CELF2: variants seen among roughly 807,000 people sequenced by gnomAD.
CELF2 encodes CUG triplet repeat RNA-binding protein 2.
A neutral mutation model predicts 62.6 loss-of-function variants in CELF2; 8 were observed. That is an observed-to-expected ratio of 0.13 (90% CI 0.07 to 0.23). The LOEUF (loss-of-function observed/expected upper bound fraction) is 0.23. Among genes scored for constraint, CELF2 ranks in the 10% least tolerant of loss-of-function variants. The probability of loss-of-function intolerance (pLI) is 1.00; values close to 1 mark genes in which losing one functional copy is unlikely to be tolerated. For synonymous variants in CELF2, 258 were observed against 250.0 expected (o/e 1.03, Z -0.30); for missense variants, 333 against 671.0 (o/e 0.50, Z 5.56).
chr10:10,948,248 C>A (rs1219733621), intron 2 of CELF2: 1 of 152,266 alleles, frequency 6.6e-6, no homozygotes, highest in Non-Finnish European at 1.5e-5. Flanking sequence ...GACCTTGCTT[C>A]CCACCTGAGC....
the CELF2 span, among the ~76,000 whole-genome samples, chr10:10,702,565 T>C: frequency 6.6e-6 from 1 of 152,210 alleles, no homozygotes; most frequent in African/African-American, 2.4e-5. Flanking sequence ...AGACCCATTT[T>C]GGGTAACAAA....
At chr10:10,730,606 G>T in the CELF2 span, among the ~76,000 whole-genome samples, 1 of 152,364 alleles carries the variant, frequency 6.6e-6, no homozygotes, top group Non-Finnish European at 1.5e-5. Context: ...TAGATGCAGA[G>T]ATGAAAGAAG....
At chr10:11,158,630 T>G (rs1564991314) in intron 1 of CELF2, among the ~76,000 whole-genome samples, 1 of 152,142 alleles carries the variant, frequency 6.6e-6, no homozygotes, top group Admixed American at 6.5e-5. Context: ...TACTTCTTTG[T>G]GGGGGTTCTC....
the CELF2 span, among the ~76,000 whole-genome samples, chr10:10,486,036 T>A: frequency 6.6e-6 from 1 of 152,168 alleles, no homozygotes; most frequent in Non-Finnish European, 1.5e-5. Flanking sequence ...GGAGTAGAAT[T>A]AGAATCATGG....
At chr10:10,705,471 G>A in the CELF2 span, among the ~76,000 whole-genome samples, 1 of 152,000 alleles carries the variant, frequency 6.6e-6, no homozygotes, top group Admixed American at 6.5e-5. Context: ...GGGATGAAAG[G>A]CTGTGATTGA....
intron 2 of CELF2, among the ~76,000 whole-genome samples, chr10:10,958,335 T>C (rs1290476801): frequency 1.3e-5 from 2 of 152,122 alleles, no homozygotes; most frequent in African/African-American, 2.4e-5. Flanking sequence ...TGAACCACAT[T>C]TTAAAAGGGG....
the CELF2 span, among the ~76,000 whole-genome samples, chr10:10,512,814 C>T: frequency 3.9e-5 from 6 of 152,202 alleles, no homozygotes; most frequent in Admixed American, 3.9e-4. Context: ...AGTTCCTCTA[C>T]TGAATTTCGT....
intron 2 of CELF2, among the ~76,000 whole-genome samples, chr10:11,172,029 A>G (rs1289543879): frequency 3.9e-5 from 6 of 152,222 alleles, no homozygotes; most frequent in Non-Finnish European, 8.8e-5. Context: ...TCTTGAAATC[A>G]GGAATTGAGA....
Position 11,165,247 on chromosome 10 carries a change from C to T in CELF2, c.75-239C>T. 2 of 1,355,832 alleles carry T rather than the reference C, an allele frequency of 1.5e-6. No homozygotes were observed. Among genetic ancestry groups the T allele is most frequent in the Admixed American group, 3.4e-5 (1 of 29,824 alleles). The allele number at this position is 1,355,832 out of a possible 1,614,324, so 84.0% of individuals were successfully genotyped here. A position where few individuals can be genotyped will look rare whatever the true frequency, so the allele number is the denominator to read the frequency against. ...GGGTGACAGGCGGCAGGGCGCTGCCCCGTGCTCCCCCGGCTCTGCTCGACA... is the reference window on the plus strand; with the variant it reads ...GGGTGACAGGCGGCAGGGCGCTGCCTCGTGCTCCCCCGGCTCTGCTCGACA... On this transcript the variant is annotated intron_variant, in intron 1 of 12. Transcript: ENST00000633077. The surrounding 1 kb of genome is among the most constrained non-coding windows in gnomAD (Gnocchi z 7.4).
At chr10:11,189,439 A>G (rs1034929655) in intron 2 of CELF2, among the ~76,000 whole-genome samples, 5 of 152,248 alleles carry the variant, frequency 3.3e-5, no homozygotes, top group African/African-American at 7.2e-5. Context: ...GATAATTAAC[A>G]TATAATGTAA....
the CELF2 span, among the ~76,000 whole-genome samples, chr10:10,490,069 A>C: frequency 2.8e-5 from 4 of 144,724 alleles, no homozygotes; most frequent in African/African-American, 9.8e-5. Flanking sequence ...TCTTCCAGTA[A>C]AATTCTCTGG....
intron 1 of CELF2, among the ~76,000 whole-genome samples, chr10:10,857,681 A>ATT (rs1554855741): frequency 2.2e-5 from 3 of 137,606 alleles, no homozygotes; most frequent in Non-Finnish European, 3.2e-5. Flanking sequence ...ATATATATAT[A>ATT]TTTTACCTCA....
At chr10:10,857,797 A>T (rs1199590433) in intron 1 of CELF2, among the ~76,000 whole-genome samples, 3 of 151,444 alleles carry the variant, frequency 2.0e-5, no homozygotes, top group Middle Eastern at 3.4e-3. Context: ...TGATGAAACT[A>T]GTAAAAAAAA....
At chr10:10,723,616 A>T in the CELF2 span, among the ~76,000 whole-genome samples, 1 of 152,164 alleles carries the variant, frequency 6.6e-6, no homozygotes, top group Non-Finnish European at 1.5e-5. Flanking sequence ...CATTTTTTTT[A>T]AAGCACATAA....
chr10:10,820,090 T>G (rs1590779286), intron 1 of CELF2, among the ~76,000 whole-genome samples: 1 of 152,302 alleles, frequency 6.6e-6, no homozygotes, highest in East Asian at 1.9e-4. Context: ...TATAGAGGGT[T>G]TCCGCTTTTG....
chr10:10,953,596 T>C (rs1053252868), intron 2 of CELF2, among the ~76,000 whole-genome samples: 2 of 152,184 alleles, frequency 1.3e-5, no homozygotes, highest in Admixed American at 1.3e-4. Flanking sequence ...TCCACCAGGA[T>C]GAATTTCAAA....
the CELF2 span, among the ~76,000 whole-genome samples, chr10:10,645,890 A>T: frequency 6.6e-6 from 1 of 152,342 alleles, no homozygotes; most frequent in East Asian, 1.9e-4. Flanking sequence ...TGAAAGCATG[A>T]CATAGGGTAA....
chr10:10,605,402 A>G, the CELF2 span, among the ~76,000 whole-genome samples: 2 of 152,264 alleles, frequency 1.3e-5, no homozygotes, highest in Admixed American at 1.3e-4. Context: ...AAACCTGTAC[A>G]TCCTGCACGA....
At chr10:10,574,379 T>C in the CELF2 span, among the ~76,000 whole-genome samples, 1 of 152,140 alleles carries the variant, frequency 6.6e-6, no homozygotes, top group Non-Finnish European at 1.5e-5. Flanking sequence ...CATGCCGTGC[T>C]GGGCAGGAAG....
Sources: allele counts gnomAD v4.1 joint callset (sites outside exome capture counted in the v4.1 genomes callset), GRCh38; gene constraint gnomAD v4.1.1; non-coding constraint Gnocchi (gnomAD v3.1); transcripts MANE v1.5; gene names NCBI Gene and HGNC (gene_info 2026-07-23, HGNC 2026-07-21).